Variants in ARHGAP23 observed in about 807,000 individuals in gnomAD.
The protein encoded by ARHGAP23 is rho GTPase-activating protein 23.
Under a neutral mutation model 136.3 loss-of-function variants are expected in ARHGAP23, and 34 were observed. The ratio of observed to expected loss-of-function variants is 0.25; its 90% CI spans 0.19 to 0.33. ARHGAP23 has a LOEUF of 0.33. Ranked by LOEUF, ARHGAP23 falls within the 10% of genes least tolerant of loss-of-function variation. The probability of loss-of-function intolerance (pLI) is 1.00; values close to 1 mark genes in which losing one functional copy is unlikely to be tolerated. For synonymous variants in ARHGAP23, 832 were observed against 920.5 expected (o/e 0.90, Z 1.74); for missense variants, 1,808 against 2,139.0 (o/e 0.85, Z 3.05).
rs376461801 is a variant in ARHGAP23, at chr17:38,442,809, G to A, written c.63+14261G>A. Among the ~76,000 whole-genome samples, 39 of 152,314 alleles carry A rather than the reference G, an allele frequency of 2.6e-4. No homozygotes were observed. In the East Asian group the frequency reaches 4.2e-3, roughly 17 times the overall value. On this transcript the variant is annotated intron_variant, in intron 1 of 23. Coordinates refer to ENST00000622683, the MANE Select transcript of ARHGAP23 (RefSeq NM_001199417.2). ...GTGGTGAGTGTGGGGGCCAAGGCGC[G>A]TCCCACAGGGCCTGGTGGTCATAAT...
At chr17:38,468,919 C>T (rs866239451) in intron 7 of ARHGAP23, among the ~76,000 whole-genome samples, 9 of 152,254 alleles carry the variant, frequency 5.9e-5, no homozygotes, top group Admixed American at 5.2e-4. Flanking sequence ...CTCTGGAGCC[C>T]GGTCTAAGGA....
Position 38,469,792 on chromosome 17 carries a change from A to C in ARHGAP23, c.1917-55A>C, listed in dbSNP as rs1198322192. The C allele has an allele frequency of 2.6e-6, 4 of 1,543,086 alleles. No homozygotes were observed. In the East Asian group the frequency reaches 7.3e-5, roughly 28 times the overall value. On this transcript the variant is annotated intron_variant, in intron 9 of 23. Coordinates refer to ENST00000622683, the MANE Select transcript of ARHGAP23 (RefSeq NM_001199417.2). ...CTTGGGGTTTGGTGGGTGACGAGAT[A>C]GTGAGGTCCCAGCTTTGCTGCCCAC...
intron 1 of ARHGAP23, among the ~76,000 whole-genome samples, chr17:38,443,473 A>G (rs937496883): frequency 6.6e-5 from 10 of 152,126 alleles, no homozygotes; most frequent in Admixed American, 3.9e-4. Context: ...GGATGATGCC[A>G]TCTGTCTTCT....
In ARHGAP23 at chr17:38,442,954, T is replaced by C. The variant is rs546410629; in HGVS notation, c.63+14406T>C. On this transcript the variant is annotated intron_variant, in intron 1 of 23. Coordinates refer to ENST00000622683, the MANE Select transcript of ARHGAP23 (RefSeq NM_001199417.2). The stretch of plus-strand genomic sequence containing the variant: ...ATCTAGGAAGCAGAGTCTACTCCGA[T>C]GGGGGGATGGAGCGCTGGGGCCATA... 2.2e-4 allele frequency among the ~76,000 whole-genome samples: 34 copies of C among 152,268 alleles called. 1 individual carries two copies. Among genetic ancestry groups the C allele is most frequent in the Admixed American group, 1.3e-3 (20 of 15,294 alleles).
chr17:38,426,575 C>CAAAAAAAAAAAAAA (rs2038574408), upstream of ARHGAP23, among the ~76,000 whole-genome samples: 1 of 106,872 alleles, frequency 9.4e-6, no homozygotes, highest in African/African-American at 4.0e-5. Context: ...AAAAAAAATC[C>CAAAAAAAAAAAAAA]AGGCAGTATG....
intron 19 of ARHGAP23, 100 bp downstream of exon 19, chr17:38,490,651 G>A: frequency 1.1e-6 from 1 of 925,718 alleles, no homozygotes; most frequent in Non-Finnish European, 1.7e-6. Flanking sequence ...CAGTAACTCA[G>A]GCCCCTCTAG....
chr17:38,425,330 A>G (rs2038559421), upstream of ARHGAP23, among the ~76,000 whole-genome samples: 1 of 151,518 alleles, frequency 6.6e-6, no homozygotes, highest in Admixed American at 6.6e-5. Flanking sequence ...CTTTTTCCCT[A>G]TTCCCACTCT....
In ARHGAP23 at chr17:38,467,001, G is replaced by T; in HGVS notation, c.1318G>T (p.Asp440Tyr). Reference protein sequence around the residue: ...TGLLHALSFRDSPFGGLPTFN... With the variant: ...TGLLHALSFRYSPFGGLPTFN... ...CCTCCTCCATGCGCTCTCCTTCCGG[G>T]ACTCACCCTTTGGGGGGCTGCCTAC... The change falls in exon 7 of 24, where the codon GAC becomes TAC. Residue 440 changes from aspartate (D) to tyrosine (Y), a missense_variant. Around this residue, in one of 7 missense-constraint regions of ARHGAP23, gnomAD observed 859 missense variants for 936.4 expected, o/e 0.92. Transcript: ENST00000622683. 1 of 1,550,692 alleles carries T rather than the reference G, an allele frequency of 6.4e-7. No homozygotes were observed. Among genetic ancestry groups the T allele is most frequent in the South Asian group, 1.2e-5 (1 of 84,064 alleles).
At chr17:38,426,464 A>G (rs1045458585), upstream of ARHGAP23, among the ~76,000 whole-genome samples, 3 of 149,206 alleles carry the variant, frequency 2.0e-5, no homozygotes, top group Non-Finnish European at 4.4e-5. Flanking sequence ...GCAGAAGAAT[A>G]GCTTGAATCT....
chr17:38,483,329 T>C (rs1280108195), intron 16 of ARHGAP23, among the ~76,000 whole-genome samples: 1 of 152,214 alleles, frequency 6.6e-6, no homozygotes, highest in Admixed American at 6.5e-5. Flanking sequence ...GAAAGAGAAG[T>C]GGCTGATCAG....
chr17:38,497,838 C>T lies in ARHGAP23; in HGVS notation c.3318+12C>T, dbSNP rs73302645. The T allele has an allele frequency of 6.6e-5, 102 of 1,550,958 alleles. No homozygotes were observed. Among genetic ancestry groups the T allele is most frequent in the South Asian group, 3.7e-4 (31 of 84,032 alleles). On this transcript the variant is annotated intron_variant, in intron 21 of 23. Coordinates refer to ENST00000622683, the MANE Select transcript of ARHGAP23 (RefSeq NM_001199417.2). ...ACAAGGGAGAGAGAGTAAGTGATGC[C>T]GCGGGCTGGGCTGGCATGGGGGCTG...
chr17:38,489,578 C>T (rs2040227526), intron 17 of ARHGAP23, among the ~76,000 whole-genome samples: 1 of 152,166 alleles, frequency 6.6e-6, no homozygotes, highest in Admixed American at 6.5e-5. Context: ...TAGGGCAGAT[C>T]CTCCCGCGTT....
At chr17:38,476,272 G>A (rs1178371170) in intron 11 of ARHGAP23, among the ~76,000 whole-genome samples, 1 of 152,170 alleles carries the variant, frequency 6.6e-6, no homozygotes, top group Non-Finnish European at 1.5e-5. Context: ...TAAGCAAGAG[G>A]CGTTGATGGC....
chr17:38,436,832 T>G (rs1193707021), intron 1 of ARHGAP23, among the ~76,000 whole-genome samples: 1 of 152,198 alleles, frequency 6.6e-6, no homozygotes, highest in African/African-American at 2.4e-5. Context: ...GTCTTCACCA[T>G]GGTAATCGTT....
chr17:38,504,945 A>G (rs2040597319), intron 23 of ARHGAP23, among the ~76,000 whole-genome samples: 1 of 114,022 alleles, frequency 8.8e-6, no homozygotes, highest in African/African-American at 3.3e-5. Flanking sequence ...GGTGGAGTGG[A>G]GCTGTTCATT....
At chr17:38,445,303 TAAAAAA>T (rs61636599) in intron 1 of ARHGAP23, among the ~76,000 whole-genome samples, 5 of 111,584 alleles carry the variant, frequency 4.5e-5, no homozygotes, top group African/African-American at 1.7e-4. Context: ...TGTCTCTACT[TAAAAAA>T]AAAAAAAAAA....
chr17:38,433,707 C>G (rs2038732465), intron 1 of ARHGAP23, among the ~76,000 whole-genome samples: 1 of 152,174 alleles, frequency 6.6e-6, no homozygotes, highest in Non-Finnish European at 1.5e-5. Flanking sequence ...CTGGGAACAT[C>G]AGGGGTTGGC....
At chr17:38,443,092 AC>A (rs2038954958) in intron 1 of ARHGAP23, among the ~76,000 whole-genome samples, 1 of 152,252 alleles carries the variant, frequency 6.6e-6, no homozygotes, top group African/African-American at 2.4e-5. Flanking sequence ...TTGAGGTCAC[AC>A]AGCCAGAAAA....
chr17:38,481,729 A>C (rs1038650025), intron 14 of ARHGAP23, among the ~76,000 whole-genome samples: 4 of 152,198 alleles, frequency 2.6e-5, no homozygotes, highest in African/African-American at 9.7e-5. Flanking sequence ...ACTGCACTAC[A>C]GCCTGAGCGA....
Sources: gnomAD v4.1 joint callset for allele counts (sites outside exome capture counted in the v4.1 genomes callset) on GRCh38, gnomAD v4.1.1 for gene constraint, gnomAD v4.1.1 regional missense constraint, MANE v1.5 for transcripts, NCBI Gene and HGNC (gene_info 2026-07-23, HGNC 2026-07-21) for gene names.